SYNE2: variants seen among roughly 807,000 people sequenced by gnomAD.
SYNE2 encodes the protein spectrin repeat containing nuclear envelope protein 2, also known as nesprin-2.
SYNE2 carries 431 observed loss-of-function variants against 856.3 expected under a neutral mutation model. That is an observed-to-expected ratio of 0.50 (90% CI 0.47 to 0.55). The LOEUF is 0.55. SYNE2 is among the 20% of genes least tolerant of loss of function. SYNE2 has a pLI of 0.00. For missense variants in SYNE2, 8,129 were observed against 8,023.2 expected (o/e 1.01, Z -0.50); for synonymous variants, 2,923 against 2,872.3 (o/e 1.02, Z -0.56).
chr14:63,942,992 A>G (rs918189091), intron 6 of SYNE2, among the ~76,000 whole-genome samples: 1 of 152,206 alleles, frequency 6.6e-6, no homozygotes, highest in Non-Finnish European at 1.5e-5. Flanking sequence ...CATTATCCAT[A>G]ATATCAGCAC....
At chr14:63,799,975 GA>G (rs1384396163) in intron 1 of SYNE2, among the ~76,000 whole-genome samples, 1 of 152,168 alleles carries the variant, frequency 6.6e-6, no homozygotes, top group African/African-American at 2.4e-5. Flanking sequence ...GTACAGAATT[GA>G]AGATTTGGCA....
rs564280137 is a variant in SYNE2, at chr14:64,167,215, T to G, written c.16606-18T>G. The G allele has an allele frequency of 6.2e-7, 1 of 1,613,976 alleles. No individual in the cohort carries two copies. Among genetic ancestry groups the G allele is most frequent in the Non-Finnish European group, 8.5e-7 (1 of 1,180,028 alleles). ...TTATTGGCATCCAAAAACCTGTACT[T>G]CAATTTTTTAAAAATAGAATCATGT... is the stretch of plus-strand genomic sequence containing the variant. On this transcript the variant is annotated intron_variant, in intron 90 of 115. Coordinates refer to ENST00000555002, the MANE Select transcript of SYNE2 (RefSeq NM_182914.3).
At chr14:64,197,151 G>A (rs1334467825) in intron 99 of SYNE2, 1 of 152,406 alleles carries the variant, frequency 6.6e-6, no homozygotes, top group East Asian at 1.9e-4. Flanking sequence ...CGAGGCGCCA[G>A]CTGCTGTCCC....
chr14:63,927,426 G>A lies in SYNE2; in HGVS notation c.80-13188G>A, dbSNP rs573196201. Among the ~76,000 whole-genome samples, 25 of 152,202 alleles carry A rather than the reference G, an allele frequency of 1.6e-4. No homozygotes were observed. In the East Asian group the frequency reaches 3.3e-3, roughly 20 times the overall value. On this transcript the variant is annotated intron_variant, in intron 2 of 115. Coordinates refer to ENST00000555002, the MANE Select transcript of SYNE2 (RefSeq NM_182914.3). ...CCACCCAAATCTCATCTTGAATTGC[G>A]CTCCCGTAATTCCCACGTGTTGTGG...
At chr14:64,014,988 CACACAT>C (rs2096879448) in intron 32 of SYNE2, among the ~76,000 whole-genome samples, 2 of 135,100 alleles carry the variant, frequency 1.5e-5, no homozygotes, top group African/African-American at 2.9e-5. Context: ...CACACACACA[CACACAT>C]ATATAAATAT....
chr14:64,091,376 T>C (rs1051253204), intron 60 of SYNE2, among the ~76,000 whole-genome samples: 1 of 152,232 alleles, frequency 6.6e-6, no homozygotes, highest in Admixed American at 6.5e-5. Flanking sequence ...ATCATCACCA[T>C]AGTAATCTCT....
intron 1 of SYNE2, among the ~76,000 whole-genome samples, chr14:63,814,007 G>A (rs138501685): frequency 0.021 from 3,202 of 151,714 alleles, 54 homozygotes; most frequent in Non-Finnish European, 0.028. Context: ...GCAGTAAGCC[G>A]AGATCACACC....
chr14:64,040,281 A>G (rs1406121037), intron 45 of SYNE2, among the ~76,000 whole-genome samples: 1 of 152,218 alleles, frequency 6.6e-6, no homozygotes, highest in East Asian at 1.9e-4. Context: ...ACCCTAAGAA[A>G]GTGAGATAAT....
chr14:64,034,621 G>A (rs1294611339), intron 45 of SYNE2: 4 of 493,536 alleles, frequency 8.1e-6, no homozygotes, highest in Non-Finnish European at 1.5e-5. Flanking sequence ...ACCTTTGGTT[G>A]ACCTTTTCTT....
At chr14:63,846,700 G>C (rs568823581) in intron 1 of SYNE2, among the ~76,000 whole-genome samples, 2 of 151,952 alleles carry the variant, frequency 1.3e-5, no homozygotes, top group African/African-American at 2.4e-5. Context: ...GGTTCCAGGT[G>C]ATTCTCCTGC....
intron 1 of SYNE2, among the ~76,000 whole-genome samples, chr14:63,878,546 A>G (rs2094781709): frequency 7.1e-6 from 1 of 141,102 alleles, no homozygotes; most frequent in Non-Finnish European, 1.5e-5. Context: ...CTTTATTTTT[A>G]TTTTTATTTT....
rs1567497850 is a variant in SYNE2 at position 64,158,709 on chromosome 14, A to G, written c.15877A>G (p.Thr5293Ala). ...ACTCTATGATGAAGTGAATATGATG[A>G]CAATCCGATTCTGGTACTGCATGGA... ...DQLYDEVNMM[T>A]IRFWYCMEHS... The change falls in exon 86 of 116, where the codon ACA becomes GCA. Residue 5293 changes from threonine (T) to alanine (A), a missense_variant. Coordinates refer to ENST00000555002, the MANE Select transcript of SYNE2 (RefSeq NM_182914.3). 3 of 1,614,018 alleles carry G rather than the reference A, an allele frequency of 1.9e-6. No individual in the cohort carries two copies. Among genetic ancestry groups the G allele is most frequent in the Middle Eastern group, 3.3e-4 (2 of 6,062 alleles).
At chr14:63,855,414 C>T (rs770759468) in intron 1 of SYNE2, among the ~76,000 whole-genome samples, 5 of 152,186 alleles carry the variant, frequency 3.3e-5, no homozygotes, top group Non-Finnish European at 7.4e-5. Context: ...GCTTCCCTGC[C>T]TCTCCATGCT....
chr14:63,995,817 A>G (rs955664092), intron 23 of SYNE2, among the ~76,000 whole-genome samples: 1 of 152,166 alleles, frequency 6.6e-6, no homozygotes, highest in African/African-American at 2.4e-5. Flanking sequence ...ATAGCGATAT[A>G]TAATTTGCAG....
chr14:63,946,495 A>G (rs1434975021), intron 6 of SYNE2, among the ~76,000 whole-genome samples: 1 of 107,032 alleles, frequency 9.3e-6, no homozygotes, highest in Non-Finnish European at 2.0e-5. Flanking sequence ...ACACATATAT[A>G]CTGGAGATCA....
chr14:64,000,891 CAGAG>C (rs2096748890), intron 28 of SYNE2, among the ~76,000 whole-genome samples, 172 bp downstream of exon 28: 1 of 152,180 alleles, frequency 6.6e-6, no homozygotes, highest in Non-Finnish European at 1.5e-5. Flanking sequence ...AACTGATACT[CAGAG>C]AGGTTAAATA....
At chr14:64,134,255 A>C in intron 78 of SYNE2, 55 bp downstream of exon 78, 1 of 1,594,968 alleles carries the variant, frequency 6.3e-7, no homozygotes, top group South Asian at 1.1e-5. Context: ...TTTGTGTTTT[A>C]CATTTGTTTT....
intron 30 of SYNE2, among the ~76,000 whole-genome samples, chr14:64,003,788 G>A (rs1473425218): frequency 6.6e-6 from 1 of 152,186 alleles, no homozygotes; most frequent in Non-Finnish European, 1.5e-5. Flanking sequence ...GATTAGGGTA[G>A]GAACTGAGTG....
chr14:64,138,094 TG>T, intron 79 of SYNE2, 111 bp downstream of exon 79: 1 of 1,307,176 alleles, frequency 7.7e-7, no homozygotes, highest in Non-Finnish European at 1.1e-6. Flanking sequence ...TGTTTTTTCT[TG>T]GGCAGTCTAA....
Sources: gnomAD v4.1 joint callset for allele counts (sites outside exome capture counted in the v4.1 genomes callset) on GRCh38, gnomAD v4.1.1 for gene constraint, MANE v1.5 for transcripts, NCBI Gene and HGNC (gene_info 2026-07-23, HGNC 2026-07-21) for gene names.